Variants in C4orf50 observed in about 807,000 individuals in gnomAD.
C4orf50 encodes the protein chromosome 4 open reading frame 50.
A neutral mutation model predicts 77.2 loss-of-function variants in C4orf50; 80 were observed. The ratio of observed to expected loss-of-function variants is 1.04; its 90% CI spans 0.87 to 1.25. C4orf50 has a LOEUF of 1.25. Ranked by LOEUF, C4orf50 falls within the 50% of genes most tolerant of loss-of-function variation. The pLI, the probability that C4orf50 is intolerant of heterozygous loss-of-function variation, is 0.00. For missense variants in C4orf50, 1,257 were observed against 1,152.9 expected, an observed-to-expected ratio of 1.09 and a Z score of -1.31; for synonymous variants, 532 against 465.3, an observed-to-expected ratio of 1.14 and a Z score of -1.84.
chr4:5,990,129 G>T (rs1577973552), exon 28 of C4orf50: 1 of 1,270,010 alleles, frequency 7.9e-7, no homozygotes. Context: ...TCAGGGATTC[G>T]GGACCCTCCT....
At chr4:5,959,505 T>C in exon 34 of C4orf50, 1 of 1,614,154 alleles carries the variant, frequency 6.2e-7, no homozygotes, top group Non-Finnish European at 8.5e-7. Flanking sequence ...GTTATCGACT[T>C]GGAGGGCAGG....
rs750736677 is a variant in C4orf50, at chr4:5,989,284, C to A, written c.2762G>T (p.Arg921Ile). 191 of 1,536,076 alleles carry A rather than the reference C, an allele frequency of 1.2e-4. No individual in the cohort carries two copies. In the East Asian group the frequency reaches 3.9e-3, roughly 31 times the overall value. The change falls in exon 28 of 34, where the codon AGA becomes ATA. Residue 921 changes from arginine to isoleucine, a missense_variant. By Grantham distance (97) the Arg-to-Ile change is moderately conservative. Transcript: ENST00000531445. Reference sequence around the variant, plus strand: ...GAGCTGATGAAACCTGCTCCTCACTCTCTCGAGGGCACCCCAGGGCTCAGC... The same window carrying A: ...GAGCTGATGAAACCTGCTCCTCACTATCTCGAGGGCACCCCAGGGCTCAGC...
chr4:5,982,124 G>A (rs1436145633), intron 28 of C4orf50, among the ~76,000 whole-genome samples: 1 of 152,110 alleles, frequency 6.6e-6, no homozygotes, highest in African/African-American at 2.4e-5. Context: ...AAGAACAGAT[G>A]GGTGCTCTGA....
At chr4:5,989,223 T>C (rs977516048) in exon 28 of C4orf50, 12 of 1,535,970 alleles carry the variant, frequency 7.8e-6, no homozygotes, top group Middle Eastern at 1.7e-4. Context: ...TGTTGTCATG[T>C]AAAATCTGGC....
intron 30 of C4orf50, among the ~76,000 whole-genome samples, chr4:5,975,261 G>A (rs965627804): frequency 1.3e-5 from 2 of 151,474 alleles, no homozygotes; most frequent in African/African-American, 4.8e-5. Flanking sequence ...GAGCGCAGGG[G>A]TGGTGATTTT....
chr4:5,931,598 A>G (rs60428734), intron 7 of C4orf50, among the ~76,000 whole-genome samples: 1,955 of 152,150 alleles, frequency 0.013, 45 homozygotes, highest in African/African-American at 0.045. Flanking sequence ...CGCTCCAAAC[A>G]CAGGCTCTGC....
At position 6,007,113 on chromosome 4, in the gene C4orf50, G is replaced by T. The variant is rs1233056703; in HGVS notation, c.963+883C>A. Among the ~76,000 whole-genome samples the T allele has an allele frequency of 6.6e-6, 1 of 152,192 alleles. No individual in the cohort carries two copies. Among genetic ancestry groups the T allele is most frequent in the African/African-American group, 2.4e-5 (1 of 41,444 alleles). ...GGACAAGAGTGAGTGGACAATAAGGGATACAAGGTGGCTGGTTGGCTGCCT... is the reference window on the plus strand; with the variant it reads ...GGACAAGAGTGAGTGGACAATAAGGTATACAAGGTGGCTGGTTGGCTGCCT... On this transcript the variant is annotated intron_variant, in intron 25 of 33. Transcript: ENST00000531445. This position sits in a 1 kb window ranked among gnomAD's most constrained non-coding sequence, Gnocchi z 4.1.
At chr4:5,934,131 C>T (rs944709638) in intron 7 of C4orf50, among the ~76,000 whole-genome samples, 9 of 152,018 alleles carry the variant, frequency 5.9e-5, no homozygotes, top group East Asian at 1.9e-4. Context: ...CCCTGCACCT[C>T]GGTCTCCTCA....
chr4:5,904,024 C>T (rs564563289), intron 7 of C4orf50: 3 of 152,358 alleles, frequency 2.0e-5, no homozygotes, highest in African/African-American at 7.2e-5. Context: ...ACCACTGCCC[C>T]AGGTTCTGCG....
intron 7 of C4orf50, among the ~76,000 whole-genome samples, chr4:5,929,009 A>G (rs1007648159): frequency 3.9e-5 from 6 of 152,206 alleles, no homozygotes; most frequent in African/African-American, 1.4e-4. Context: ...TCATCATTGC[A>G]TAGCTACCTC....
Position 6,008,238 on chromosome 4 carries a change from G to T in C4orf50, c.721C>A (p.Arg241Ser), listed in dbSNP as rs1236026683. The stretch of plus-strand genomic sequence containing the variant: ...CGCTCTGCCCTCGCCTGCAGGGCGC[G>T]CAGTTCCGCAGCCGCCTCGGTGGCG... The change falls in exon 25 of 34, where the codon CGC (arginine) becomes AGC (serine). Residue 241 changes from arginine to serine, a missense_variant. Transcript: ENST00000531445. This position sits in a 1 kb window ranked among gnomAD's most constrained non-coding sequence, Gnocchi z 6.0. 2.5e-6 allele frequency: 1 copy of T among 395,680 alleles called. No homozygotes were observed. Among genetic ancestry groups the T allele is most frequent in the Non-Finnish European group, 4.5e-6 (1 of 224,198 alleles). The allele number at this position is 395,680 out of a possible 1,614,324, so 24.5% of individuals were successfully genotyped here. A position where few individuals can be genotyped will look rare whatever the true frequency, so the allele number is the denominator to read the frequency against.
chr4:5,944,438 A>G (rs1718397222), intron 7 of C4orf50, among the ~76,000 whole-genome samples: 1 of 152,134 alleles, frequency 6.6e-6, no homozygotes, highest in Non-Finnish European at 1.5e-5. Flanking sequence ...CACTAGGTGA[A>G]ACTATGTGGA....
chr4:5,981,573 T>C (rs1720591340), intron 28 of C4orf50, among the ~76,000 whole-genome samples: 1 of 151,936 alleles, frequency 6.6e-6, no homozygotes. Flanking sequence ...CCCGGCTAAT[T>C]TTGTACTTTT....
chr4:5,981,182 G>A (rs1321898540), intron 28 of C4orf50, among the ~76,000 whole-genome samples: 1 of 151,904 alleles, frequency 6.6e-6, no homozygotes, highest in South Asian at 2.1e-4. Context: ...CCTTAACACC[G>A]TGTTCTGGGC....
At chr4:6,012,262 C>G (rs1722524269) in intron 23 of C4orf50, among the ~76,000 whole-genome samples, 1 of 152,158 alleles carries the variant, frequency 6.6e-6, no homozygotes, top group South Asian at 2.1e-4. Context: ...AGCACCTGAG[C>G]TTGAGTCATT....
intron 23 of C4orf50, among the ~76,000 whole-genome samples, chr4:6,016,514 A>C (rs12500863): frequency 0.26 from 39,038 of 152,020 alleles, 6,015 homozygotes; most frequent in East Asian, 0.76. Context: ...ATGTCACTTC[A>C]CTCCAGCCTG....
intron 7 of C4orf50, among the ~76,000 whole-genome samples, chr4:5,927,225 A>G (rs1211183684): frequency 6.6e-6 from 1 of 152,050 alleles, no homozygotes; most frequent in Non-Finnish European, 1.5e-5. Context: ...GCTCAGAAGC[A>G]GGTCTTATGG....
chr4:5,967,892 C>T (rs1719678102), intron 31 of C4orf50, among the ~76,000 whole-genome samples: 1 of 152,246 alleles, frequency 6.6e-6, no homozygotes, highest in South Asian at 2.1e-4. Context: ...AGACCAGTGT[C>T]CTCCTGGTTC....
At chr4:5,994,282 G>C in intron 26 of C4orf50, 65 bp downstream of exon 4, 1 of 398,894 alleles carries the variant, frequency 2.5e-6, no homozygotes, top group Non-Finnish European at 4.4e-6. Context: ...TAAGGAGGAA[G>C]TGAGCTAGCC....
Sources: gnomAD v4.1 joint callset for allele counts (sites outside exome capture counted in the v4.1 genomes callset) on GRCh38, gnomAD v4.1.1 for gene constraint, Gnocchi (gnomAD v3.1) non-coding constraint, MANE v1.5 for transcripts, NCBI Gene and HGNC (gene_info 2026-07-23, HGNC 2026-07-21) for gene names.